The following CD200R1 variants were observed in gnomAD, a reference collection of about 807,000 sequenced individuals.
The protein encoded by CD200R1 is CD200 receptor 1, also known as cell surface glycoprotein CD200 receptor 1.
CD200R1 carries 30 observed loss-of-function variants against 38.1 expected under a neutral mutation model. That is an observed-to-expected ratio of 0.79 (90% CI 0.59 to 1.07). CD200R1 has a LOEUF of 1.07. Among genes scored for constraint, CD200R1 ranks in the 50% least tolerant of loss-of-function variants. The probability of loss-of-function intolerance (pLI) is 0.00; values close to 1 mark genes in which losing one functional copy is unlikely to be tolerated. For missense variants in CD200R1, 372 were observed against 415.4 expected (o/e 0.90, Z 0.91); for synonymous variants, 128 against 152.1 (o/e 0.84, Z 1.16).
chr3:112,925,354 C>T (rs1386726221), intron 5 of CD200R1, among the ~76,000 whole-genome samples, 161 bp from the exon 6 acceptor site: 1 of 151,898 alleles, frequency 6.6e-6, no homozygotes. Flanking sequence ...GGAAATGTTA[C>T]ATATTGTATG....
intron 1 of CD200R1, among the ~76,000 whole-genome samples, chr3:112,952,929 C>T (rs529454968): frequency 1.9e-4 from 29 of 152,160 alleles, no homozygotes; most frequent in African/African-American, 7.0e-4. Flanking sequence ...TTGCCTAATT[C>T]CTCCAGCTAG....
intron 2 of CD200R1, among the ~76,000 whole-genome samples, chr3:112,947,238 T>G (rs185109610): frequency 6.6e-6 from 1 of 152,292 alleles, no homozygotes; most frequent in African/African-American, 2.4e-5. Flanking sequence ...AACATTCATA[T>G]TCAACCCTAA....
Position 112,928,911 on chromosome 3 carries a change from C to T in CD200R1, c.674G>A (p.Ser225Asn). Residue 225 changes from serine (S) to asparagine (N), a missense_variant, in exon 5 of 8, where the codon AGT becomes AAT. Coordinates refer to ENST00000308611, the MANE Select transcript of CD200R1 (RefSeq NM_138806.4). Reference protein sequence around the residue: ...YWSNGTVTVKSTCHWEVHNVS... With the variant: ...YWSNGTVTVKNTCHWEVHNVS... ...ATTGTGGACCTCCCAGTGGCATGTA[C>T]TCTTAACAGTCACTGTGCCATTGCT... The T allele has an allele frequency of 6.2e-7, 1 of 1,613,950 alleles. No homozygotes were observed. Among genetic ancestry groups the T allele is most frequent in the Non-Finnish European group, 8.5e-7 (1 of 1,179,972 alleles).
intron 1 of CD200R1, among the ~76,000 whole-genome samples, chr3:112,971,595 C>T (rs72952155): frequency 0.14 from 21,647 of 152,022 alleles, 2,199 homozygotes; most frequent in African/African-American, 0.29. Context: ...CTAGTGCCAC[C>T]GCCACTCAAT....
intron 2 of CD200R1, among the ~76,000 whole-genome samples, chr3:112,935,349 A>G (rs1940550611): frequency 6.6e-6 from 1 of 152,220 alleles, no homozygotes; most frequent in African/African-American, 2.4e-5. Flanking sequence ...TCACAAAACA[A>G]GTCTCAAATA....
chr3:112,967,777 T>G (rs552373051), intron 1 of CD200R1, among the ~76,000 whole-genome samples: 6 of 152,318 alleles, frequency 3.9e-5, no homozygotes, highest in African/African-American at 1.4e-4. Flanking sequence ...CTAAAAGACA[T>G]AGATTTTTCT....
intron 5 of CD200R1, among the ~76,000 whole-genome samples, chr3:112,927,950 T>C (rs1434008601): frequency 6.6e-6 from 1 of 152,146 alleles, no homozygotes; most frequent in African/African-American, 2.4e-5. Context: ...ATTCAGCACT[T>C]AACAGTACTT....
chr3:112,963,331 CAGA>C (rs1308866894), intron 1 of CD200R1, among the ~76,000 whole-genome samples: 9 of 152,196 alleles, frequency 5.9e-5, no homozygotes, highest in African/African-American at 2.2e-4. Context: ...TTGGAGGGCT[CAGA>C]AGAAGAAAGG....
At position 112,951,245 on chromosome 3, in the gene CD200R1, A is replaced by C. The variant is rs1940964109; in HGVS notation, c.68-3321T>G. On this transcript the variant is annotated intron_variant, in intron 1 of 7. Transcript: ENST00000308611. ...GGAATATTATTAACAATATTACGCTAATCAAATTCAGTAACAGTTGAAATG... is the reference window on the plus strand; with the variant it reads ...GGAATATTATTAACAATATTACGCTCATCAAATTCAGTAACAGTTGAAATG... Among the ~76,000 whole-genome samples the C allele has an allele frequency of 3.3e-5, 5 of 152,112 alleles. No individual in the cohort carries two copies. In the South Asian group the frequency reaches 1.0e-3, roughly 31 times the overall value.
intron 5 of CD200R1, among the ~76,000 whole-genome samples, chr3:112,928,591 G>A (rs137861130): frequency 0.018 from 2,698 of 152,170 alleles, 28 homozygotes; most frequent in South Asian, 0.047. Flanking sequence ...TAGCATAGAA[G>A]TGAACATTAA....
At chr3:112,963,226 C>T (rs368868179) in intron 1 of CD200R1, among the ~76,000 whole-genome samples, 1 of 152,162 alleles carries the variant, frequency 6.6e-6, no homozygotes, top group African/African-American at 2.4e-5. Flanking sequence ...CAGACTAATA[C>T]AGCAAATTGG....
At chr3:112,945,889 G>C (rs1329684902) in intron 2 of CD200R1, among the ~76,000 whole-genome samples, 1 of 151,994 alleles carries the variant, frequency 6.6e-6, no homozygotes, top group African/African-American at 2.4e-5. Flanking sequence ...TTAGCAGGGC[G>C]TGGTAGCTGG....
At chr3:112,946,395 C>T (rs910545524) in intron 2 of CD200R1, among the ~76,000 whole-genome samples, 1 of 152,140 alleles carries the variant, frequency 6.6e-6, no homozygotes, top group Non-Finnish European at 1.5e-5. Flanking sequence ...AGAGGGCCAA[C>T]TGTATTTTCA....
chr3:112,927,080 T>G lies in CD200R1; in HGVS notation c.769+1736A>C, dbSNP rs766774147. ...CCTGCTCCATTTTATGTAGCACACC[T>G]TTCCCAACTAGCAGAAAAAGGGGAG... On this transcript the variant is annotated intron_variant, in intron 5 of 7. Coordinates refer to ENST00000308611, the MANE Select transcript of CD200R1 (RefSeq NM_138806.4). Among the ~76,000 whole-genome samples the G allele has an allele frequency of 2.6e-5, 4 of 152,196 alleles. No individual in the cohort carries two copies. The East Asian group carries it at 7.7e-4, about 29-fold the overall frequency.
intron 1 of CD200R1, among the ~76,000 whole-genome samples, chr3:112,954,891 G>A (rs569970933): frequency 2.6e-5 from 4 of 152,158 alleles, no homozygotes; most frequent in South Asian, 2.1e-4. Context: ...CATGGGAACC[G>A]AGTCTTATAG....
chr3:112,936,213 T>A (rs1940575882), intron 2 of CD200R1, among the ~76,000 whole-genome samples: 1 of 152,230 alleles, frequency 6.6e-6, no homozygotes, highest in African/African-American at 2.4e-5. Flanking sequence ...CTGATGGGCA[T>A]TTAGGTTGAC....
intron 1 of CD200R1, among the ~76,000 whole-genome samples, chr3:112,965,229 T>C (rs1933126390): frequency 6.6e-6 from 1 of 152,152 alleles, no homozygotes; most frequent in African/African-American, 2.4e-5. Context: ...TGTGATTTGG[T>C]AACAAGAAGA....
intron 2 of CD200R1, among the ~76,000 whole-genome samples, chr3:112,944,155 A>G (rs1199654358): frequency 2.0e-5 from 3 of 151,930 alleles, no homozygotes; most frequent in African/African-American, 7.2e-5. Context: ...GGTTAGCATT[A>G]TCCTAATAAC....
intron 1 of CD200R1, among the ~76,000 whole-genome samples, chr3:112,973,226 A>G (rs1350801487): frequency 6.6e-6 from 1 of 152,204 alleles, no homozygotes; most frequent in Non-Finnish European, 1.5e-5. Flanking sequence ...TGGGTCCTAC[A>G]CAAGTTGCTA....
Sources: gnomAD v4.1 joint callset for allele counts (sites outside exome capture counted in the v4.1 genomes callset) on GRCh38, gnomAD v4.1.1 for gene constraint, MANE v1.5 for transcripts, NCBI Gene and HGNC (gene_info 2026-07-23, HGNC 2026-07-21) for gene names.